The following REV1 variants were observed in gnomAD, a reference collection of about 807,000 sequenced individuals.
REV1 encodes translesion synthesis protein REV1.
Under a neutral mutation model 137.4 loss-of-function variants are expected in REV1, and 42 were observed. That is an observed-to-expected ratio of 0.31 (90% CI 0.24 to 0.40). REV1 has a LOEUF of 0.40. Ranked by LOEUF, REV1 falls within the 10% of genes least tolerant of loss-of-function variation. REV1 has a pLI of 1.00. For missense variants in REV1, 1,282 were observed against 1,490.1 expected (o/e 0.86, Z 2.30); for synonymous variants, 524 against 519.2 (o/e 1.01, Z -0.12).
intron 1 of REV1, among the ~76,000 whole-genome samples, chr2:99,480,876 T>C (rs1397676903): frequency 6.6e-6 from 1 of 152,148 alleles, no homozygotes; most frequent in African/African-American, 2.4e-5. Context: ...ACAAAAACAT[T>C]ACAACATGCT....
chr2:99,473,375 A>AAAAAAAAG lies in REV1; in HGVS notation c.-10-8391_-10-8390insCTTTTTTT, dbSNP rs1553568317. 1.2e-4 allele frequency among the ~76,000 whole-genome samples: 18 copies of AAAAAAAAG among 151,618 alleles called. No individual in the cohort carries two copies. The East Asian group carries it at 1.4e-3, about 11-fold the overall frequency. On this transcript the variant is annotated intron_variant, in intron 1 of 22. Coordinates refer to ENST00000258428, the MANE Select transcript of REV1 (RefSeq NM_016316.4). ...AGAGCGAGACTGTCTCAAAAAAAAAAAAAAGAAAAGAAAAGAAAAGAAAAA... is the reference window on the plus strand; with the variant it reads ...AGAGCGAGACTGTCTCAAAAAAAAAAAAAAAAAGAAAAGAAAAGAAAAGAAAAGAAAAA...
rs976911684 is a variant in REV1 at position 99,481,173 on chromosome 2, A to G, written c.-11+8644T>C. Among the ~76,000 whole-genome samples, 3 of 152,212 alleles carry G rather than the reference A, an allele frequency of 2.0e-5. No individual in the cohort carries two copies. In the South Asian group the frequency reaches 6.2e-4, roughly 32 times the overall value. On this transcript the variant is annotated intron_variant, in intron 1 of 22. Coordinates refer to ENST00000258428, the MANE Select transcript of REV1 (RefSeq NM_016316.4). ...CAATGCCTCCACCCTACCCATAAATATCTCACTTCATAATTTCTTCTTCCA... is the reference window on the plus strand; with the variant it reads ...CAATGCCTCCACCCTACCCATAAATGTCTCACTTCATAATTTCTTCTTCCA...
intron 1 of REV1, among the ~76,000 whole-genome samples, chr2:99,473,819 T>A (rs183754197): frequency 6.6e-6 from 1 of 152,352 alleles, no homozygotes; most frequent in Admixed American, 6.5e-5. Flanking sequence ...TTTTGGTACA[T>A]AAGCCTTTTC....
rs573148559 is a variant in REV1, at chr2:99,459,687, C to T, written c.181+2809G>A. Among the ~76,000 whole-genome samples, 19 of 152,224 alleles carry T rather than the reference C, an allele frequency of 1.2e-4. No individual in the cohort carries two copies. In the South Asian group the frequency reaches 1.5e-3, roughly 12 times the overall value. ...TGCCACTGCACTACAGCCTGGGTGA[C>T]AGAGGGAGACCCTATCTCAAAACAA... is the stretch of plus-strand genomic sequence containing the variant. On this transcript the variant is annotated intron_variant, in intron 3 of 22. Coordinates refer to ENST00000258428, the MANE Select transcript of REV1 (RefSeq NM_016316.4).
At position 99,462,507 on chromosome 2, in the gene REV1, T is replaced by C. The variant is rs375476190; in HGVS notation, c.170A>G (p.Asn57Ser). 3 of 1,612,870 alleles carry C rather than the reference T, an allele frequency of 1.9e-6. No homozygotes were observed. Among genetic ancestry groups the C allele is most frequent in the African/African-American group, 2.7e-5 (2 of 74,928 alleles). ...AAAAAGTACTCAACCTGTGTATCCA[T>C]TAACATAGATGGCAACTCCACTAAA... is the stretch of plus-strand genomic sequence containing the variant. Reference protein sequence around the residue: ...TIFSGVAIYVNGYTDPSAEEL... With the variant: ...TIFSGVAIYVSGYTDPSAEEL... The change falls in exon 3 of 23, where the codon AAT becomes AGT. Residue 57 changes from asparagine to serine, a missense_variant. Coordinates refer to ENST00000258428, the MANE Select transcript of REV1 (RefSeq NM_016316.4).
chr2:99,438,510 T>G, intron 6 of REV1, 91 bp downstream of exon 6: 1 of 928,092 alleles, frequency 1.1e-6, no homozygotes, highest in Non-Finnish European at 1.7e-6. Flanking sequence ...TTATGAGAAC[T>G]TCATATTGAC....
chr2:99,426,334 C>T (rs1464862900), intron 9 of REV1, among the ~76,000 whole-genome samples: 4 of 146,938 alleles, frequency 2.7e-5, no homozygotes, highest in African/African-American at 7.6e-5. Flanking sequence ...GCAACAAGAG[C>T]GAAATTCTAT....
chr2:99,434,633 C>A (rs1236308803), intron 7 of REV1, among the ~76,000 whole-genome samples, 185 bp from the exon 8 acceptor site: 6 of 152,068 alleles, frequency 3.9e-5, no homozygotes, highest in Non-Finnish European at 8.8e-5. Context: ...ATTTAAGTTT[C>A]TTAGCACCTC....
rs564531814 is a variant in REV1 at position 99,428,923 on chromosome 2, T to C, written c.1547+917A>G. 3.6e-3 allele frequency among the ~76,000 whole-genome samples: 493 copies of C among 138,004 alleles called. 2 individuals are homozygous for C. The highest frequency in any genetic ancestry group is 0.012 in the Admixed American group (150 of 12,202). The allele number at this position is 138,004 out of a possible 152,430, so 90.5% of individuals were successfully genotyped here. On this transcript the variant is annotated intron_variant, in intron 9 of 22. Transcript: ENST00000258428. ...AGGAGAATGGCATGAACCTGGGAGG[T>C]GGAGCTTGCAGTGAGCCAAGATGGT...
rs28369932 is a variant in REV1, at chr2:99,470,038, G to A, written c.-10-5053C>T. On this transcript the variant is annotated intron_variant, in intron 1 of 22. Transcript: ENST00000258428. The stretch of plus-strand genomic sequence containing the variant: ...TGGGAGGCTGAGGCAGGAGAATGGC[G>A]TGAACCCGGGAGGTGGAGCTTGCAG... Among the ~76,000 whole-genome samples the A allele has an allele frequency of 3.7e-3, 556 of 151,668 alleles. 7 individuals are homozygous for A. The highest frequency in any genetic ancestry group is 0.013 in the African/African-American group (528 of 41,318).
chr2:99,425,997 T>C lies in REV1; in HGVS notation c.1548-1717A>G, dbSNP rs531823176. Among the ~76,000 whole-genome samples, 11 of 150,886 alleles carry C rather than the reference T, an allele frequency of 7.3e-5. No individual in the cohort carries two copies. The East Asian group carries it at 2.0e-3, about 27-fold the overall frequency. On this transcript the variant is annotated intron_variant, in intron 9 of 22. Transcript: ENST00000258428. The stretch of plus-strand genomic sequence containing the variant: ...GTTGCAGTGAGCCGAGATCGCGCCA[T>C]TACACTCCAGCCTGGGCAACAAGAG...
chr2:99,486,040 G>A (rs1340766092), intron 1 of REV1, among the ~76,000 whole-genome samples: 2 of 152,108 alleles, frequency 1.3e-5, no homozygotes, highest in Admixed American at 6.6e-5. Context: ...CGGGAGGCTG[G>A]CTTGAGCCCA....
intron 19 of REV1, 124 bp from the exon 20 acceptor site, chr2:99,403,230 C>T: frequency 1.3e-6 from 1 of 765,094 alleles, no homozygotes; most frequent in South Asian, 1.9e-5. Flanking sequence ...TCCCCTCCTG[C>T]CCCAAGTGAG....
chr2:99,454,797 C>G (rs1289757165), intron 3 of REV1, among the ~76,000 whole-genome samples: 3 of 152,106 alleles, frequency 2.0e-5, no homozygotes, highest in Non-Finnish European at 2.9e-5. Context: ...TTTTGCAGAA[C>G]ATTCTATATG....
rs200733171 is a variant in REV1, at chr2:99,464,999, G to GAA, written c.-10-16_-10-15dup. ...ATGGTGGAGCTTCTGTATTGGGGAG[G>GAA]AAAAAAAAAATGTCAATTTTATAAC... On this transcript the variant is annotated splice_polypyrimidine_tract_variant and intron_variant, in intron 1 of 22. Transcript: ENST00000258428. 7.4e-6 allele frequency: 11 copies of GAA among 1,487,370 alleles called. No homozygotes were observed. In the Admixed American group the frequency reaches 1.2e-4, roughly 16 times the overall value. The allele number at this position is 1,487,370 out of a possible 1,614,324, so 92.1% of individuals were successfully genotyped here.
intron 19 of REV1, 71 bp from the exon 20 acceptor site, chr2:99,403,177 C>A: frequency 8.1e-7 from 1 of 1,233,964 alleles, no homozygotes; most frequent in Non-Finnish European, 1.1e-6. Flanking sequence ...GTATTGGGTT[C>A]TCTTTTCTCC....
rs369614513 is a variant in REV1, at chr2:99,429,880, A to G, written c.1507T>C (p.Leu503=). Residue 503 remains leucine (L), a synonymous_variant, in exon 9 of 23, where the codon TTG becomes CTG. Coordinates refer to ENST00000258428, the MANE Select transcript of REV1 (RefSeq NM_016316.4). ...SAQANGIDSV[L]SRAEIASCSY... is the part of the protein sequence containing the mutation. ...CAAGATGCAATTTCAGCCCTTGACA[A>G]AACAGAATCAATTCCATTTGCTTGC... 1 of 1,605,314 alleles carries G rather than the reference A, an allele frequency of 6.2e-7. No homozygotes were observed.
chr2:99,443,791 G>C (rs943276871), intron 4 of REV1, among the ~76,000 whole-genome samples: 1 of 151,576 alleles, frequency 6.6e-6, no homozygotes, highest in Admixed American at 6.6e-5. Flanking sequence ...TATTAGAATC[G>C]AAACCCTAAA....
chr2:99,425,039 T>A, intron 9 of REV1: 2 of 599,888 alleles, frequency 3.3e-6, no homozygotes, highest in African/African-American at 3.9e-5. Context: ...CTGTAAAGAA[T>A]CAAGAAAAAA....
Sources: gnomAD v4.1 joint callset for allele counts (sites outside exome capture counted in the v4.1 genomes callset) on GRCh38, gnomAD v4.1.1 for gene constraint, MANE v1.5 for transcripts, NCBI Gene and HGNC (gene_info 2026-07-23, HGNC 2026-07-21) for gene names.